SFMBT1: variants seen among roughly 807,000 people sequenced by gnomAD.
SFMBT1 encodes the protein scm-like with four MBT domains protein 1.
Under a neutral mutation model 108.7 loss-of-function variants are expected in SFMBT1, and 32 were observed. The observed-to-expected ratio is 0.29, with a 90% CI of 0.22 to 0.40. The LOEUF is 0.40. Among genes scored for constraint, SFMBT1 ranks in the 10% least tolerant of loss-of-function variants. The pLI is 1.00. For synonymous variants in SFMBT1, 348 were observed against 369.5 expected, an observed-to-expected ratio of 0.94 and a Z score of 0.67; for missense variants, 816 against 1,059.6, an observed-to-expected ratio of 0.77 and a Z score of 3.19.
intron 1 of SFMBT1, among the ~76,000 whole-genome samples, chr3:52,978,686 A>G (rs1704606072): frequency 6.6e-6 from 1 of 152,210 alleles, no homozygotes; most frequent in Non-Finnish European, 1.5e-5. Context: ...ATTATTTATA[A>G]TAGTCAAAAA....
chr3:52,954,340 C>A lies in SFMBT1; in HGVS notation c.100G>T (p.Val34Phe). ...DYLEETGSTA[V>F]PYGSFKHVDT... is the part of the protein sequence containing the mutation. ...ACATGTTTAAAAGACCCATAGGGAA[C>A]TGCTGTGGACCCTGTTTCTTCTAGA... Residue 34 changes from valine (V) to phenylalanine (F), a missense_variant, in exon 3 of 21, where the codon GTT becomes TTT. Coordinates refer to ENST00000394752, the MANE Select transcript of SFMBT1 (RefSeq NM_016329.4). 1 of 1,613,562 alleles carries A rather than the reference C, an allele frequency of 6.2e-7. No homozygotes were observed. Among genetic ancestry groups the A allele is most frequent in the Non-Finnish European group, 8.5e-7 (1 of 1,179,702 alleles).
At chr3:53,018,314 A>G (rs1376615330) in intron 1 of SFMBT1, 1 of 152,222 alleles carries the variant, frequency 6.6e-6, no homozygotes, top group Admixed American at 6.5e-5. Context: ...GTTCTGCAGT[A>G]CAATATGAAG....
chr3:52,995,415 G>T lies in SFMBT1; in HGVS notation c.-130-26157C>A, dbSNP rs565394565. ...ATTTTTATTTTTATTTTGAGGCAGG[G>T]TCTTGCTCTGTCGCCAAGTTTGGAA... On this transcript the variant is annotated intron_variant, in intron 1 of 20. Transcript: ENST00000394752. Among the ~76,000 whole-genome samples the T allele has an allele frequency of 1.1e-4, 17 of 150,210 alleles. 2 individuals carry two copies. Among genetic ancestry groups the T allele is most frequent in the Non-Finnish European group, 2.4e-4 (16 of 67,080 alleles).
chr3:52,982,655 G>C (rs995371014), intron 1 of SFMBT1, among the ~76,000 whole-genome samples: 4 of 148,136 alleles, frequency 2.7e-5, no homozygotes, highest in Non-Finnish European at 5.9e-5. Flanking sequence ...CTTGAACCCA[G>C]GAGGCGGAGG....
chr3:52,936,232 A>G (rs1703005736), intron 4 of SFMBT1, among the ~76,000 whole-genome samples: 1 of 152,206 alleles, frequency 6.6e-6, no homozygotes, highest in Non-Finnish European at 1.5e-5. Flanking sequence ...TTTACTAACC[A>G]AAGAACTTCC....
chr3:53,045,350 G>C (rs1700192494), intron 1 of SFMBT1: 1 of 144,032 alleles, frequency 6.9e-6, no homozygotes. Context: ...CGGGTCCGCG[G>C]GGGCTCGGCG....
Position 52,943,448 on chromosome 3 carries a change from T to G in SFMBT1, c.269A>C (p.Asp90Ala). ...LLLRYDGYGE[D>A]RRADFWCDIR... Reference sequence around the variant, plus strand: ...GTCACACCAGAAATCTGCTCTCCGATCCTCCCCATAGCCATCATAGCGGAG... The same window carrying G: ...GTCACACCAGAAATCTGCTCTCCGAGCCTCCCCATAGCCATCATAGCGGAG... Residue 90 changes from aspartate to alanine, a missense_variant, in exon 4 of 21, where the codon GAT (aspartate) becomes GCT (alanine). By Grantham distance (126) the Asp-to-Ala change is moderately radical (BLOSUM62 -2). Coordinates refer to ENST00000394752, the MANE Select transcript of SFMBT1 (RefSeq NM_016329.4). The G allele has an allele frequency of 6.2e-7, 1 of 1,614,150 alleles. No individual in the cohort carries two copies. Among genetic ancestry groups the G allele is most frequent in the Admixed American group, 1.7e-5 (1 of 60,026 alleles).
intron 2 of SFMBT1, among the ~76,000 whole-genome samples, chr3:52,962,824 A>AAAAAAAAAAAAG (rs71087041): frequency 6.7e-6 from 1 of 150,110 alleles, no homozygotes; most frequent in South Asian, 2.1e-4. Context: ...AAAAAAAAAA[A>AAAAAAAAAAAAG]GGAGAGGGAG....
At chr3:52,945,136 T>TAAAAAAAAA (rs367727549) in intron 3 of SFMBT1, among the ~76,000 whole-genome samples, 1,564 of 48,442 alleles carry the variant, frequency 0.032, 330 homozygotes, top group Non-Finnish European at 0.054. Context: ...ACCTTCCAAT[T>TAAAAAAAAA]AAAAAAAAAA....
At chr3:53,035,724 G>A (rs1400237283) in intron 1 of SFMBT1, among the ~76,000 whole-genome samples, 1 of 152,172 alleles carries the variant, frequency 6.6e-6, no homozygotes, top group African/African-American at 2.4e-5. Context: ...AGCCTCCCCA[G>A]TAGCTGGGAT....
At chr3:53,004,853 G>A (rs1698685349) in intron 1 of SFMBT1, among the ~76,000 whole-genome samples, 1 of 151,946 alleles carries the variant, frequency 6.6e-6, no homozygotes, top group Non-Finnish European at 1.5e-5. Context: ...GAATGAGAAG[G>A]GAACACAACT....
chr3:52,913,421 A>G, intron 15 of SFMBT1, 57 bp downstream of exon 15: 1 of 1,575,340 alleles, frequency 6.3e-7, no homozygotes, highest in South Asian at 1.2e-5. Context: ...TGTAGAAATG[A>G]CCATAGGAGA....
chr3:52,985,092 CTTTATT>C (rs1704860070), intron 1 of SFMBT1, among the ~76,000 whole-genome samples: 2 of 152,034 alleles, frequency 1.3e-5, no homozygotes, highest in Non-Finnish European at 2.9e-5. Context: ...CAATTAAATG[CTTTATT>C]TATGGGAGCC....
intron 4 of SFMBT1, among the ~76,000 whole-genome samples, chr3:52,940,823 A>C (rs1389281778): frequency 6.6e-6 from 1 of 150,732 alleles, no homozygotes; most frequent in Non-Finnish European, 1.5e-5. Flanking sequence ...ATACGAACCT[A>C]ATCAAGTGAT....
intron 1 of SFMBT1, among the ~76,000 whole-genome samples, chr3:53,015,271 G>C (rs1699087759): frequency 7.3e-6 from 1 of 137,626 alleles, no homozygotes; most frequent in Non-Finnish European, 1.6e-5. Flanking sequence ...AAAGCTACAA[G>C]AATGGTTATC....
intron 1 of SFMBT1, among the ~76,000 whole-genome samples, chr3:52,989,227 T>C (rs1294643570): frequency 2.6e-5 from 4 of 152,080 alleles, no homozygotes; most frequent in Non-Finnish European, 4.4e-5. Context: ...CAATTCCACT[T>C]TACAGTGCTT....
intron 1 of SFMBT1, among the ~76,000 whole-genome samples, chr3:53,017,919 A>T (rs1416372840): frequency 1.3e-5 from 2 of 152,206 alleles, no homozygotes; most frequent in Non-Finnish European, 2.9e-5. Context: ...ATGCATACTT[A>T]GAAAATTGCA....
chr3:53,002,250 T>G (rs1306817855), intron 1 of SFMBT1, among the ~76,000 whole-genome samples: 1 of 148,410 alleles, frequency 6.7e-6, no homozygotes, highest in Non-Finnish European at 1.5e-5. Context: ...ATACAAAAAA[T>G]TAGCCGGGCG....
intron 1 of SFMBT1, among the ~76,000 whole-genome samples, chr3:52,992,369 G>A (rs949213580): frequency 3.9e-5 from 6 of 152,032 alleles, no homozygotes; most frequent in African/African-American, 9.7e-5. Context: ...TTTACATTAC[G>A]TGATTATTAC....
Sources: allele counts gnomAD v4.1 joint callset (sites outside exome capture counted in the v4.1 genomes callset), GRCh38; gene constraint gnomAD v4.1.1; transcripts MANE v1.5; gene names NCBI Gene and HGNC (gene_info 2026-07-23, HGNC 2026-07-21).